The following SFT2D1 variants were observed in gnomAD, a reference collection of about 807,000 sequenced individuals.
SFT2D1 encodes SFT2 domain containing 1.
SFT2D1 carries 24 observed loss-of-function variants against 28.1 expected under a neutral mutation model. The ratio of observed to expected loss-of-function variants is 0.85; its 90% CI spans 0.62 to 1.20. The LOEUF (loss-of-function observed/expected upper bound fraction) is 1.20, where lower values mean the gene tolerates loss of function less well. Ranked by LOEUF, SFT2D1 falls within the 50% of genes most tolerant of loss-of-function variation. The pLI, the probability that SFT2D1 is intolerant of heterozygous loss-of-function variation, is 0.00. For synonymous variants in SFT2D1, 82 were observed against 73.7 expected, an observed-to-expected ratio of 1.11 and a Z score of -0.58; for missense variants, 181 against 190.9, an observed-to-expected ratio of 0.95 and a Z score of 0.31.
rs1778810274 is a variant in SFT2D1 at position 166,342,530 on chromosome 6, A to T, written c.-49T>A. On this transcript the variant is annotated 5_prime_UTR_variant, in exon 1 of 8. Coordinates refer to ENST00000361731, the MANE Select transcript of SFT2D1 (RefSeq NM_145169.3). ...GCCGCCACTCTGTTGCCTGCCCCTGACGCCCACCAGGAAACCCCGAACCCG... is the reference window on the plus strand; with the variant it reads ...GCCGCCACTCTGTTGCCTGCCCCTGTCGCCCACCAGGAAACCCCGAACCCG... 8 of 1,473,498 alleles carry T rather than the reference A, an allele frequency of 5.4e-6. No homozygotes were observed. The highest frequency in any genetic ancestry group is 7.4e-6 in the Non-Finnish European group (8 of 1,081,612). The allele number at this position is 1,473,498 out of a possible 1,614,324, so 91.3% of individuals were successfully genotyped here.
intron 3 of SFT2D1, 94 bp downstream of exon 3, chr6:166,329,411 TAC>T: frequency 1.0e-6 from 1 of 994,430 alleles, no homozygotes; most frequent in Admixed American, 2.0e-5. Context: ...TCACAGTATG[TAC>T]AGAACTACAT....
chr6:166,319,969 C>T lies in SFT2D1; in HGVS notation c.*248G>A, dbSNP rs954922963. The stretch of plus-strand genomic sequence containing the variant: ...TTAAAAATTGGCTAAAAATAATTTA[C>T]AACTGGCAGTGATTAAAAATCTTAT... On this transcript the variant is annotated 3_prime_UTR_variant, in exon 8 of 8. Coordinates refer to ENST00000361731, the MANE Select transcript of SFT2D1 (RefSeq NM_145169.3). 2.6e-6 allele frequency: 1 copy of T among 386,618 alleles called. No homozygotes were observed. The highest frequency in any genetic ancestry group is 4.6e-6 in the Non-Finnish European group (1 of 218,582). 23.9% of individuals were successfully genotyped at this position (386,618 alleles called of 1,614,324 possible).
At chr6:166,325,342 A>G (rs1025900241) in intron 5 of SFT2D1, among the ~76,000 whole-genome samples, 1 of 152,170 alleles carries the variant, frequency 6.6e-6, no homozygotes, top group Non-Finnish European at 1.5e-5. Flanking sequence ...TTAAAATGGG[A>G]CTTTTCTTGT....
rs1054981401 is a variant in SFT2D1, at chr6:166,324,481, A to G, written c.410+56T>C. 7.1e-6 allele frequency: 11 copies of G among 1,551,828 alleles called. No individual in the cohort carries two copies. The Admixed American group carries it at 2.0e-4, about 29-fold the overall frequency. On this transcript the variant is annotated intron_variant, in intron 6 of 7. Coordinates refer to ENST00000361731, the MANE Select transcript of SFT2D1 (RefSeq NM_145169.3). ...TAGGGCTTCACAGGTCCCAAACAAA[A>G]TGCTCGTCACGTCTCAGGCAATTTT... is the stretch of plus-strand genomic sequence containing the variant.
chr6:166,340,329 G>T (rs1415489584), intron 1 of SFT2D1, among the ~76,000 whole-genome samples: 1 of 152,042 alleles, frequency 6.6e-6, no homozygotes, highest in African/African-American at 2.4e-5. Context: ...AATCCAAGTC[G>T]GTCACACCAC....
chr6:166,329,399 A>G, intron 3 of SFT2D1, 108 bp downstream of exon 3: 1 of 828,028 alleles, frequency 1.2e-6, no homozygotes. Flanking sequence ...CTGTGGCTGA[A>G]TTCACAGTAT....
intron 1 of SFT2D1, among the ~76,000 whole-genome samples, chr6:166,333,710 G>GC (rs1447754372): frequency 6.6e-6 from 1 of 152,146 alleles, no homozygotes; most frequent in Admixed American, 6.5e-5. Flanking sequence ...GTCCTCATCA[G>GC]CCCCCCATGG....
chr6:166,334,665 A>C (rs181273947), intron 1 of SFT2D1: 66 of 225,794 alleles, frequency 2.9e-4, no homozygotes, highest in African/African-American at 1.7e-3. Context: ...CTTTGAAACA[A>C]CTGATGAGAA....
chr6:166,322,142 C>T (rs897652698), intron 7 of SFT2D1, among the ~76,000 whole-genome samples: 18 of 152,114 alleles, frequency 1.2e-4, no homozygotes, highest in African/African-American at 3.9e-4. Flanking sequence ...CTTGGCCTCC[C>T]AAAGTGCTAG....
At chr6:166,322,430 G>A (rs534177687) in intron 7 of SFT2D1, among the ~76,000 whole-genome samples, 4 of 152,068 alleles carry the variant, frequency 2.6e-5, no homozygotes, top group African/African-American at 4.8e-5. Flanking sequence ...GGTGGCTCAC[G>A]GTTGTAATCC....
intron 1 of SFT2D1, among the ~76,000 whole-genome samples, chr6:166,332,769 CT>C (rs1342324772): frequency 2.6e-5 from 4 of 152,240 alleles, no homozygotes. Context: ...GGAGGGGCTG[CT>C]CCCCTATTCC....
In SFT2D1 at chr6:166,324,605, G is replaced by A; in HGVS notation, c.352-10C>T. 6.2e-7 allele frequency: 1 copy of A among 1,607,568 alleles called. No individual in the cohort carries two copies. Among genetic ancestry groups the A allele is most frequent in the Admixed American group, 1.7e-5 (1 of 58,054 alleles). ...GTCCCTTCTTATGCCACTAACAACA[G>A]CAAAAACAGAGCAATTATGAGTTTC... On this transcript the variant is annotated splice_polypyrimidine_tract_variant and intron_variant, in intron 5 of 7. Coordinates refer to ENST00000361731, the MANE Select transcript of SFT2D1 (RefSeq NM_145169.3).
intron 7 of SFT2D1, among the ~76,000 whole-genome samples, chr6:166,322,321 C>T (rs1239152855): frequency 2.0e-5 from 3 of 152,212 alleles, no homozygotes; most frequent in African/African-American, 7.2e-5. Context: ...GGAGGATACT[C>T]CCCACAGAGC....
At position 166,326,009 on chromosome 6, in the gene SFT2D1, A is replaced by G. The variant is rs1778437757; in HGVS notation, c.351+123T>C. 3.1e-6 allele frequency: 3 copies of G among 956,636 alleles called. No individual in the cohort carries two copies. In the East Asian group the frequency reaches 7.4e-5, roughly 24 times the overall value. 59.3% of individuals were successfully genotyped at this position (956,636 alleles called of 1,614,324 possible). On this transcript the variant is annotated intron_variant, in intron 5 of 7. Coordinates refer to ENST00000361731, the MANE Select transcript of SFT2D1 (RefSeq NM_145169.3). ...TGGTAACATGTCAAATTTTAGGAAC[A>G]CCTAATCTTTAGAGAGTTTTAAAAA... is the stretch of plus-strand genomic sequence containing the variant.
chr6:166,342,227 G>T (rs1778797343), intron 1 of SFT2D1, among the ~76,000 whole-genome samples, 192 bp downstream of exon 1: 1 of 152,018 alleles, frequency 6.6e-6, no homozygotes, highest in Non-Finnish European at 1.5e-5. Flanking sequence ...GTGGGTTTAA[G>T]TAGACCGCAT....
intron 1 of SFT2D1, among the ~76,000 whole-genome samples, chr6:166,340,266 T>C (rs575366807): frequency 6.6e-6 from 1 of 152,370 alleles, no homozygotes; most frequent in African/African-American, 2.4e-5. Flanking sequence ...TCTGGGCTTC[T>C]AACATTGCCT....
chr6:166,335,741 CAGA>C (rs944854893), intron 1 of SFT2D1, among the ~76,000 whole-genome samples: 11 of 152,186 alleles, frequency 7.2e-5, no homozygotes, highest in Non-Finnish European at 1.3e-4. Context: ...ATGGCACTGG[CAGA>C]AGATTTTAAT....
intron 1 of SFT2D1, among the ~76,000 whole-genome samples, chr6:166,341,425 G>A (rs1261622040): frequency 6.8e-6 from 1 of 146,264 alleles, no homozygotes; most frequent in African/African-American, 2.6e-5. Flanking sequence ...CTCCAGGCCT[G>A]AGCGACAAAG....
In SFT2D1 at chr6:166,333,029, T is replaced by C. The variant is rs750300202; in HGVS notation, c.64-2782A>G. ...GACCTGAGCCTTGCCCCTGGGCTTC[T>C]GCCATCTAAACATAGGAAACACTTG... On this transcript the variant is annotated intron_variant, in intron 1 of 7. Coordinates refer to ENST00000361731, the MANE Select transcript of SFT2D1 (RefSeq NM_145169.3). Among the ~76,000 whole-genome samples, 126 of 152,242 alleles carry C rather than the reference T, an allele frequency of 8.3e-4. 11 individuals carry two copies. Among genetic ancestry groups the C allele is most frequent in the Non-Finnish European group, 1.0e-4 (7 of 68,042 alleles).
Sources: gnomAD v4.1 joint callset for allele counts (sites outside exome capture counted in the v4.1 genomes callset) on GRCh38, gnomAD v4.1.1 for gene constraint, MANE v1.5 for transcripts, NCBI Gene and HGNC (gene_info 2026-07-23, HGNC 2026-07-21) for gene names.